The following KCNG3 variants were observed in gnomAD, a reference collection of about 807,000 sequenced individuals.
KCNG3 encodes the protein potassium voltage-gated channel modifier subfamily G member 3, also known as voltage-gated potassium channel regulatory subunit KCNG3.
A neutral mutation model predicts 29.0 loss-of-function variants in KCNG3; 15 were observed. The observed-to-expected ratio is 0.52, with a 90% CI of 0.35 to 0.80. KCNG3 has a LOEUF of 0.80. KCNG3 is among the 30% of genes least tolerant of loss of function. The probability of loss-of-function intolerance (pLI) is 0.01; values close to 1 mark genes in which losing one functional copy is unlikely to be tolerated. For synonymous variants in KCNG3, 322 were observed against 248.9 expected (o/e 1.29, Z -2.76); for missense variants, 512 against 605.7 (o/e 0.85, Z 1.62).
At chr2:42,433,157 G>A in the KCNG3 span, among the ~76,000 whole-genome samples, 31,009 of 152,058 alleles carry the variant, frequency 0.2, 3,992 homozygotes, top group East Asian at 0.37. Context: ...TTAGATAAGA[G>A]AAAGACGTAA....
chr2:42,474,274 T>C (rs1673366628), intron 1 of KCNG3, among the ~76,000 whole-genome samples: 1 of 151,918 alleles, frequency 6.6e-6, no homozygotes, highest in Non-Finnish European at 1.5e-5. Flanking sequence ...ATACCTGTAA[T>C]CCCAGCACTT....
chr2:42,448,974 T>C (rs1672679172), intron 1 of KCNG3, among the ~76,000 whole-genome samples: 1 of 150,250 alleles, frequency 6.7e-6, no homozygotes, highest in Non-Finnish European at 1.5e-5. Context: ...CGAGACTCCG[T>C]CTCAAAAAAA....
At chr2:42,431,543 T>C in the KCNG3 span, among the ~76,000 whole-genome samples, 1 of 152,128 alleles carries the variant, frequency 6.6e-6, no homozygotes, top group Non-Finnish European at 1.5e-5. Flanking sequence ...ACATTAGAAA[T>C]ATTACTCATG....
In KCNG3 at chr2:42,443,994, A is replaced by G; in HGVS notation, c.1251T>C (p.His417=). 6.2e-7 allele frequency: 1 copy of G among 1,614,064 alleles called. No individual in the cohort carries two copies. Among genetic ancestry groups the G allele is most frequent in the Non-Finnish European group, 8.5e-7 (1 of 1,179,890 alleles). ...ACCTAGCAGATCTAAACTTGAGCTCATGATAACACTGCACAAAGCTATGGT... is the reference window on the plus strand; with the variant it reads ...ACCTAGCAGATCTAAACTTGAGCTCGTGATAACACTGCACAAAGCTATGGT... The part of the protein sequence containing the change: ...FIYHSFVQCY[H]ELKFRSARYS... Residue 417 remains histidine, a synonymous_variant, in exon 2 of 2, where the codon CAT becomes CAC. Coordinates refer to ENST00000306078, the MANE Select transcript of KCNG3 (RefSeq NM_133329.6).
chr2:42,475,434 T>C (rs1033982892), intron 1 of KCNG3, among the ~76,000 whole-genome samples: 1 of 151,592 alleles, frequency 6.6e-6, no homozygotes, highest in Non-Finnish European at 1.5e-5. Context: ...GTTCAAGTGA[T>C]TCTCGTGCCT....
intron 1 of KCNG3, among the ~76,000 whole-genome samples, chr2:42,452,588 AT>A (rs1672788013): frequency 6.6e-6 from 1 of 151,754 alleles, no homozygotes; most frequent in South Asian, 2.1e-4. Flanking sequence ...ACTTGTTTTA[AT>A]TTTTAGCTCC....
chr2:42,493,339 C>A lies in KCNG3; in HGVS notation c.163G>T (p.Asp55Tyr). 6.3e-7 allele frequency: 1 copy of A among 1,599,846 alleles called. No individual in the cohort carries two copies. The highest frequency in any genetic ancestry group is 8.5e-7 in the Non-Finnish European group (1 of 1,173,374). The change falls in exon 1 of 2, where the codon GAC (aspartate) becomes TAC (tyrosine). Residue 55 changes from aspartate to tyrosine, a missense_variant. Physicochemically the swap from Asp to Tyr is radical, Grantham distance 160 (BLOSUM62 -3). Transcript: ENST00000306078. ...RDVLEVCDDY[D>Y]RERNEYFFDR... ...AAGAAGTACTCGTTGCGCTCGCGGTCGTAGTCGTCGCACACCTCGAGCACG... is the reference window on the plus strand; with the variant it reads ...AAGAAGTACTCGTTGCGCTCGCGGTAGTAGTCGTCGCACACCTCGAGCACG...
the KCNG3 span, among the ~76,000 whole-genome samples, chr2:42,389,000 C>A: frequency 6.6e-6 from 1 of 152,044 alleles, no homozygotes; most frequent in African/African-American, 2.4e-5. Context: ...TTACTGTAAC[C>A]CCTATCTCCC....
chr2:42,458,578 T>C (rs1672937307), intron 1 of KCNG3, among the ~76,000 whole-genome samples: 1 of 152,368 alleles, frequency 6.6e-6, no homozygotes, highest in South Asian at 2.1e-4. Context: ...TGTGTTTCTG[T>C]GAAAAATTAC....
downstream of KCNG3, among the ~76,000 whole-genome samples, chr2:42,437,202 A>T (rs1672391902): frequency 6.6e-6 from 1 of 152,198 alleles, no homozygotes; most frequent in South Asian, 2.1e-4. Context: ...TATTTAAGAA[A>T]AAGACACACA....
At chr2:42,425,397 T>C in the KCNG3 span, among the ~76,000 whole-genome samples, 4 of 68,708 alleles carry the variant, frequency 5.8e-5, no homozygotes, top group Admixed American at 6.0e-4. Context: ...AGACTCCGTC[T>C]CAAAAAAAAA....
chr2:42,486,533 A>G (rs538452542), intron 1 of KCNG3, among the ~76,000 whole-genome samples: 1 of 152,300 alleles, frequency 6.6e-6, no homozygotes, highest in South Asian at 2.1e-4. Context: ...GCCCTGCCTG[A>G]TAGGTCCCAT....
chr2:42,403,561 C>A, the KCNG3 span, among the ~76,000 whole-genome samples: 1 of 148,842 alleles, frequency 6.7e-6, no homozygotes, highest in African/African-American at 2.5e-5. Flanking sequence ...CTCACTGCAA[C>A]CTCTGCCTCC....
chr2:42,465,149 G>A (rs542316574), intron 1 of KCNG3, among the ~76,000 whole-genome samples: 56 of 151,712 alleles, frequency 3.7e-4, no homozygotes, highest in Admixed American at 2.7e-3. Flanking sequence ...GAGAATGAGT[G>A]TAGTACTAAA....
At chr2:42,439,669 G>A (rs1262864926), downstream of KCNG3, among the ~76,000 whole-genome samples, 8 of 149,274 alleles carry the variant, frequency 5.4e-5, no homozygotes, top group East Asian at 2.0e-4. Context: ...TTTTTGAGAC[G>A]GAGTTTCACT....
downstream of KCNG3, chr2:42,440,471 CTGTTT>C (rs1672449067): frequency 9.0e-6 from 1 of 111,330 alleles, no homozygotes; most frequent in Non-Finnish European, 1.8e-5. Context: ...ATCTTTTTGT[CTGTTT>C]TCTTTAAAAA....
chr2:42,437,939 CAAAAAAAAAA>C (rs58250880), downstream of KCNG3, among the ~76,000 whole-genome samples: 2 of 74,848 alleles, frequency 2.7e-5, no homozygotes, highest in Admixed American at 1.7e-4. Context: ...ACTCTGTCTC[CAAAAAAAAAA>C]AAAAAAAAAA....
In KCNG3 at chr2:42,452,044, T is replaced by TAAC. The variant is rs554233705; in HGVS notation, c.666-7468_666-7466dup. Among the ~76,000 whole-genome samples, 647 of 151,988 alleles carry TAAC rather than the reference T, an allele frequency of 4.3e-3. 2 individuals are homozygous for TAAC. The highest frequency in any genetic ancestry group is 6.5e-3 in the Non-Finnish European group (445 of 67,952). The stretch of plus-strand genomic sequence containing the variant: ...CATACAAAGAACTCCTGCAACTCAG[T>TAAC]AACAACAACAAAAAAAATCAACCCA... On this transcript the variant is annotated intron_variant, in intron 1 of 1. Transcript: ENST00000306078.
At chr2:42,478,889 C>T (rs1179887817) in intron 1 of KCNG3, among the ~76,000 whole-genome samples, 1 of 151,892 alleles carries the variant, frequency 6.6e-6, no homozygotes, top group Admixed American at 6.6e-5. Context: ...AAACAGCTGT[C>T]CCTGATTTAA....
Sources: gnomAD v4.1 joint callset for allele counts (sites outside exome capture counted in the v4.1 genomes callset) on GRCh38, gnomAD v4.1.1 for gene constraint, MANE v1.5 for transcripts, NCBI Gene and HGNC (gene_info 2026-07-23, HGNC 2026-07-21) for gene names.